The following FOXN3 variants were observed in gnomAD, a reference collection of about 807,000 sequenced individuals.
FOXN3 encodes the protein forkhead box N3.
FOXN3 carries 7 observed loss-of-function variants against 38.4 expected under a neutral mutation model. The ratio of observed to expected loss-of-function variants is 0.18; its 90% CI spans 0.10 to 0.34. FOXN3 has a LOEUF of 0.34. Ranked by LOEUF, FOXN3 falls within the 10% of genes least tolerant of loss-of-function variation. The probability of loss-of-function intolerance (pLI) is 1.00; values close to 1 mark genes in which losing one functional copy is unlikely to be tolerated. For missense variants in FOXN3, 456 were observed against 613.4 expected (o/e 0.74, Z 2.71); for synonymous variants, 230 against 242.2 (o/e 0.95, Z 0.47).
chr14:89,415,027 A>G (rs1891656322), intron 1 of FOXN3, among the ~76,000 whole-genome samples: 1 of 152,200 alleles, frequency 6.6e-6, no homozygotes, highest in Non-Finnish European at 1.5e-5. Context: ...TTGGGGATAC[A>G]ACAGAGTCTG....
chr14:89,560,080 C>A (rs376471245), intron 1 of FOXN3, among the ~76,000 whole-genome samples: 6 of 152,112 alleles, frequency 3.9e-5, no homozygotes, highest in Non-Finnish European at 8.8e-5. Context: ...AGGAAACTTA[C>A]AATCATGCAG....
chr14:89,588,204 G>C (rs933405328), intron 1 of FOXN3, among the ~76,000 whole-genome samples: 5 of 152,024 alleles, frequency 3.3e-5, no homozygotes, highest in African/African-American at 9.7e-5. Flanking sequence ...TGACATGCCT[G>C]CTCCCCCTTT....
At chr14:89,430,036 T>G (rs887536827) in intron 1 of FOXN3, among the ~76,000 whole-genome samples, 1 of 152,234 alleles carries the variant, frequency 6.6e-6, no homozygotes, top group African/African-American at 2.4e-5. Flanking sequence ...TACACATTTA[T>G]TTCTCTGAGT....
At chr14:89,205,117 T>A (rs1021659633) in intron 4 of FOXN3, among the ~76,000 whole-genome samples, 1 of 152,098 alleles carries the variant, frequency 6.6e-6, no homozygotes, top group Non-Finnish European at 1.5e-5. Flanking sequence ...GGAGTCTACT[T>A]TGAAAGATGC....
At chr14:89,337,112 C>T (rs924034668) in intron 3 of FOXN3, among the ~76,000 whole-genome samples, 33 of 152,250 alleles carry the variant, frequency 2.2e-4, no homozygotes, top group African/African-American at 5.3e-4. Flanking sequence ...CATGGTATGC[C>T]GCCAGAATGC....
Position 89,616,207 on chromosome 14 carries a change from G to T in FOXN3, c.-15+2821C>A, listed in dbSNP as rs1211427521. On this transcript the variant is annotated intron_variant, in intron 1 of 6. Coordinates refer to the FOXN3 transcript ENST00000345097. ...GCTTAGCAAAATGAACGGGGTTGGG[G>T]GTGGAGGCTAGGGGGAGGGGAGGTC... Among the ~76,000 whole-genome samples the T allele has an allele frequency of 3.3e-5, 5 of 152,152 alleles. No individual in the cohort carries two copies. In the East Asian group the frequency reaches 9.6e-4, roughly 29 times the overall value.
At chr14:89,451,322 A>G (rs1892609020) in intron 1 of FOXN3, among the ~76,000 whole-genome samples, 1 of 152,226 alleles carries the variant, frequency 6.6e-6, no homozygotes, top group Non-Finnish European at 1.5e-5. Flanking sequence ...GGTAAGGCAA[A>G]GACAGTTTGG....
At chr14:89,318,254 AT>A (rs1355904691) in intron 3 of FOXN3, among the ~76,000 whole-genome samples, 1 of 149,066 alleles carries the variant, frequency 6.7e-6, no homozygotes, top group Non-Finnish European at 1.5e-5. Context: ...CACCTGCCAG[AT>A]TCAAGTGATT....
chr14:89,295,453 C>T (rs1006422287), intron 3 of FOXN3, among the ~76,000 whole-genome samples: 1 of 152,172 alleles, frequency 6.6e-6, no homozygotes. Flanking sequence ...AACAGTGACT[C>T]CTCTCTTAGA....
chr14:89,486,696 G>C (rs1365521913), intron 1 of FOXN3: 1 of 152,150 alleles, frequency 6.6e-6, no homozygotes, highest in Non-Finnish European at 1.5e-5. Context: ...TAGGAAGTCA[G>C]AATTAAGCAG....
chr14:89,194,530 C>T lies in FOXN3; in HGVS notation c.746-13724G>A, dbSNP rs188337185. 1.5e-3 allele frequency among the ~76,000 whole-genome samples: 234 copies of T among 152,170 alleles called. 1 individual carries two copies. The highest frequency in any genetic ancestry group is 5.0e-3 in the African/African-American group (206 of 41,514). On this transcript the variant is annotated intron_variant, in intron 4 of 5. Coordinates refer to ENST00000557258, the MANE Select transcript of FOXN3 (RefSeq NM_005197.4). ...AAGTGTCCTGGACTCTCTGCTAGAA[C>T]GTCTCATATGCCTTTCTCCTTGTCA...
chr14:89,530,234 G>GGCCTTGA (rs1463263377), intron 1 of FOXN3, among the ~76,000 whole-genome samples: 2 of 152,116 alleles, frequency 1.3e-5, no homozygotes, highest in Admixed American at 6.6e-5. Flanking sequence ...CACTGCACCT[G>GGCCTTGA]GCCTTGAGAC....
At chr14:89,311,886 A>C (rs1887560351) in intron 3 of FOXN3, among the ~76,000 whole-genome samples, 1 of 152,206 alleles carries the variant, frequency 6.6e-6, no homozygotes, top group African/African-American at 2.4e-5. Flanking sequence ...AAATCTAGAA[A>C]TAGAACAAAG....
At chr14:89,577,345 T>C (rs1895653571) in intron 1 of FOXN3, 1 of 152,120 alleles carries the variant, frequency 6.6e-6, no homozygotes, top group Non-Finnish European at 1.5e-5. Context: ...CCTCCATAAA[T>C]AAAATTATAA....
intron 5 of FOXN3, among the ~76,000 whole-genome samples, chr14:89,174,493 G>A (rs1887469141): frequency 6.6e-6 from 1 of 152,132 alleles, no homozygotes; most frequent in African/African-American, 2.4e-5. Flanking sequence ...ACAAATAGGA[G>A]TGATCCTACA....
intron 3 of FOXN3, among the ~76,000 whole-genome samples, chr14:89,346,549 G>T (rs1888763923): frequency 6.6e-6 from 1 of 152,200 alleles, no homozygotes; most frequent in Non-Finnish European, 1.5e-5. Context: ...TGGGGAGAAA[G>T]ACCACAAAGC....
chr14:89,433,812 C>CA (rs770167740), intron 1 of FOXN3, among the ~76,000 whole-genome samples: 9,229 of 91,678 alleles, frequency 0.1, 344 homozygotes, highest in Middle Eastern at 0.23. Context: ...ACTCTGTCTC[C>CA]AAAAAAAAAA....
At chr14:89,587,027 A>G (rs751565070) in intron 1 of FOXN3, among the ~76,000 whole-genome samples, 1 of 152,260 alleles carries the variant, frequency 6.6e-6, no homozygotes, top group Non-Finnish European at 1.5e-5. Flanking sequence ...ACTGGCTTGC[A>G]CAATTACAGG....
At chr14:89,478,208 G>A (rs984784932) in intron 1 of FOXN3, among the ~76,000 whole-genome samples, 7 of 152,080 alleles carry the variant, frequency 4.6e-5, no homozygotes, top group Admixed American at 6.6e-5. Flanking sequence ...GCCATGTGAC[G>A]TGCCTGCCCC....
Sources: allele counts gnomAD v4.1 joint callset (sites outside exome capture counted in the v4.1 genomes callset), GRCh38; gene constraint gnomAD v4.1.1; transcripts MANE v1.5; gene names NCBI Gene and HGNC (gene_info 2026-07-23, HGNC 2026-07-21).